Variants in DPYD observed in about 807,000 individuals in gnomAD.
The protein encoded by DPYD is dihydropyrimidine dehydrogenase, also known as dihydropyrimidine dehydrogenase [NADP(+)].
A neutral mutation model predicts 116.2 loss-of-function variants in DPYD; 109 were observed. The observed-to-expected ratio is 0.94, with a 90% CI of 0.80 to 1.10. DPYD has a LOEUF of 1.10. Ranked by LOEUF, DPYD falls within the 50% of genes least tolerant of loss-of-function variation. The pLI is 0.00. For synonymous variants in DPYD, 440 were observed against 432.0 expected (o/e 1.02, Z -0.23); for missense variants, 1,302 against 1,254.5 (o/e 1.04, Z -0.57).
chr1:97,708,393 C>T (rs1662103146), intron 5 of DPYD, among the ~76,000 whole-genome samples: 1 of 151,936 alleles, frequency 6.6e-6, no homozygotes, highest in African/African-American at 2.4e-5. Context: ...AAATATCATT[C>T]GTTGAAAGGA....
At chr1:97,313,497 CTGTGTGTG>C (rs58100703) in intron 16 of DPYD, among the ~76,000 whole-genome samples, 31 of 148,618 alleles carry the variant, frequency 2.1e-4, no homozygotes, top group Non-Finnish European at 3.0e-4. Flanking sequence ...ACATGTGTGC[CTGTGTGTG>C]TGTGTGTGTG....
chr1:97,651,075 T>C (rs1196173168), intron 8 of DPYD, among the ~76,000 whole-genome samples: 1 of 152,166 alleles, frequency 6.6e-6, no homozygotes, highest in Non-Finnish European at 1.5e-5. Context: ...TGTTTCTCTT[T>C]GGGCACCGTT....
intron 8 of DPYD, among the ~76,000 whole-genome samples, chr1:97,652,218 G>T (rs1392650110): frequency 6.6e-6 from 1 of 151,982 alleles, no homozygotes; most frequent in African/African-American, 2.4e-5. Context: ...CTGCAAAAGA[G>T]AATTTTAGAA....
At chr1:97,881,595 A>G (rs1164777494) in intron 2 of DPYD, among the ~76,000 whole-genome samples, 1 of 152,062 alleles carries the variant, frequency 6.6e-6, no homozygotes, top group Admixed American at 6.6e-5. Flanking sequence ...TGATAAAATA[A>G]ACTCAATTTA....
chr1:97,140,584 C>T (rs1654142389), intron 20 of DPYD, among the ~76,000 whole-genome samples: 1 of 152,136 alleles, frequency 6.6e-6, no homozygotes, highest in South Asian at 2.1e-4. Context: ...TTCATCCTTT[C>T]CCAGCACAAT....
In DPYD at chr1:97,634,430, A is replaced by C. The variant is rs147167301; in HGVS notation, c.851-39264T>G. ...CTGGCTTTTATCAAAATGAAGCATC[A>C]ATTTATGACACAAAAAGAAAAATAA... On this transcript the variant is annotated intron_variant, in intron 8 of 22. Coordinates refer to ENST00000370192, the MANE Select transcript of DPYD (RefSeq NM_000110.4). Among the ~76,000 whole-genome samples the C allele has an allele frequency of 4.4e-4, 67 of 152,288 alleles. No homozygotes were observed. The East Asian group carries it at 0.012, about 28-fold the overall frequency.
chr1:97,796,933 C>CTGAT (rs1667600969), intron 3 of DPYD: 1 of 152,064 alleles, frequency 6.6e-6, no homozygotes, highest in Non-Finnish European at 1.5e-5. Flanking sequence ...CAGCAGCAAG[C>CTGAT]TGATTACACA....
intron 5 of DPYD, among the ~76,000 whole-genome samples, chr1:97,701,570 T>C (rs1239165033): frequency 6.6e-6 from 1 of 151,808 alleles, no homozygotes; most frequent in Non-Finnish European, 1.5e-5. Context: ...TAGATATAAA[T>C]GTAAGTTTTC....
intron 16 of DPYD, among the ~76,000 whole-genome samples, chr1:97,360,376 T>G (rs1391407426): frequency 6.6e-6 from 1 of 152,106 alleles, no homozygotes; most frequent in Non-Finnish European, 1.5e-5. Flanking sequence ...CTGTCCACTG[T>G]CAATATTAGA....
intron 19 of DPYD, among the ~76,000 whole-genome samples, chr1:97,228,392 C>G (rs1661336249): frequency 6.6e-6 from 1 of 152,068 alleles, no homozygotes; most frequent in African/African-American, 2.4e-5. Flanking sequence ...AACATAGATT[C>G]ATTTGGAACA....
At chr1:97,133,505 C>T (rs57027253) in intron 20 of DPYD, among the ~76,000 whole-genome samples, 45,453 of 151,704 alleles carry the variant, frequency 0.3, 7,172 homozygotes, top group Middle Eastern at 0.41. Context: ...TCTACATGTA[C>T]TTTGGTTTGT....
At chr1:97,210,470 T>C (rs563940515) in intron 19 of DPYD, among the ~76,000 whole-genome samples, 1 of 152,240 alleles carries the variant, frequency 6.6e-6, no homozygotes, top group South Asian at 2.1e-4. Context: ...TAAACATTCA[T>C]TGGTCGAGAC....
At chr1:97,528,143 G>C (rs1478898719) in intron 12 of DPYD, among the ~76,000 whole-genome samples, 2 of 152,088 alleles carry the variant, frequency 1.3e-5, no homozygotes, top group Non-Finnish European at 2.9e-5. Flanking sequence ...AATATCTATT[G>C]AGGGAAAAAT....
intron 19 of DPYD, among the ~76,000 whole-genome samples, chr1:97,228,812 T>G (rs1432082961): frequency 6.6e-6 from 1 of 151,938 alleles, no homozygotes; most frequent in Non-Finnish European, 1.5e-5. Context: ...TGAGAGGCAA[T>G]GAAAGGATGA....
intron 5 of DPYD, among the ~76,000 whole-genome samples, chr1:97,714,610 A>C (rs1006799627): frequency 6.6e-5 from 10 of 151,406 alleles, no homozygotes; most frequent in East Asian, 1.9e-4. Context: ...AAGCCCCATA[A>C]AACTTAAGAT....
At chr1:97,616,581 A>G (rs1656281257) in intron 8 of DPYD, among the ~76,000 whole-genome samples, 1 of 152,188 alleles carries the variant, frequency 6.6e-6, no homozygotes, top group Non-Finnish European at 1.5e-5. Flanking sequence ...TTGCAAGCAT[A>G]TTAATATTAT....
intron 19 of DPYD, among the ~76,000 whole-genome samples, chr1:97,198,015 C>A (rs1658933573): frequency 6.6e-6 from 1 of 152,166 alleles, no homozygotes. Flanking sequence ...TAAGATTAAA[C>A]CTACTAATTT....
rs1473307579 is a variant in DPYD, at chr1:97,206,179, A to G, written c.2443-12931T>C. On this transcript the variant is annotated intron_variant, in intron 19 of 22. Coordinates refer to ENST00000370192, the MANE Select transcript of DPYD (RefSeq NM_000110.4). ...TCTTTCAGCCTAAAAAAAAAACTCA[A>G]AGGGGACAGGGGAGGCAAGGAGCTA... is the stretch of plus-strand genomic sequence containing the variant. Among the ~76,000 whole-genome samples, 4 of 151,986 alleles carry G rather than the reference A, an allele frequency of 2.6e-5. No homozygotes were observed. The East Asian group carries it at 7.8e-4, about 30-fold the overall frequency.
At chr1:97,395,248 G>A (rs2101615744) in intron 14 of DPYD, among the ~76,000 whole-genome samples, 1 of 151,354 alleles carries the variant, frequency 6.6e-6, no homozygotes. Flanking sequence ...CACATAGATG[G>A]TAAAGGTAAG....
Sources: allele counts gnomAD v4.1 joint callset (sites outside exome capture counted in the v4.1 genomes callset), GRCh38; gene constraint gnomAD v4.1.1; transcripts MANE v1.5; gene names NCBI Gene and HGNC (gene_info 2026-07-23, HGNC 2026-07-21).